The following ZNF705B variants were observed in gnomAD, a reference collection of about 807,000 sequenced individuals.
ZNF705B encodes zinc finger protein 705B, also known as Putative zinc finger protein 705D-like protein LOC100132396.
Under a neutral mutation model 10.5 loss-of-function variants are expected in ZNF705B, and 1 was observed. The ratio of observed to expected loss-of-function variants is 0.10; its 90% confidence interval spans 0.03 to 0.45. The LOEUF (loss-of-function observed/expected upper bound fraction) is 0.45. ZNF705B is among the 20% of genes least tolerant of loss of function. The pLI, the probability that ZNF705B is intolerant of heterozygous loss-of-function variation, is 0.97. For missense variants in ZNF705B, 14 were observed against 84.0 expected (o/e 0.17, Z 3.26); for synonymous variants, 4 against 25.4 (o/e 0.16, Z 2.53).
chr8:7,932,564 A>T lies in ZNF705B; in HGVS notation c.-72+2128A>T, dbSNP rs1819880061. On this transcript the variant is annotated intron_variant, in intron 2 of 6. Transcript: ENST00000400120. ...AGAAGTAAATGTTATATAGTGCAAAAATATATTAAAGGGTCAGTTGGTGAT... is the reference window on the plus strand; with the variant it reads ...AGAAGTAAATGTTATATAGTGCAAATATATATTAAAGGGTCAGTTGGTGAT... 2.5e-5 allele frequency among the ~76,000 whole-genome samples: 3 copies of T among 121,322 alleles called. No homozygotes were observed. In the South Asian group the frequency reaches 8.3e-4, roughly 34 times the overall value. 79.6% of individuals were successfully genotyped at this position (121,322 alleles called of 152,430 possible).
intron 1 of ZNF705B, among the ~76,000 whole-genome samples, chr8:7,926,810 C>G (rs1247321916): frequency 1.7e-5 from 2 of 116,994 alleles, no homozygotes; most frequent in African/African-American, 5.1e-5. Flanking sequence ...AGCTCTATTG[C>G]TGTCAAACAC....
chr8:7,941,655 A>AT (rs1162445717), intron 2 of ZNF705B, among the ~76,000 whole-genome samples: 4 of 43,074 alleles, frequency 9.3e-5, no homozygotes, highest in African/African-American at 2.2e-4. Flanking sequence ...TATTATTATT[A>AT]TTTTTTTGAG....
At chr8:7,930,855 T>TTG (rs1554594095) in intron 2 of ZNF705B, among the ~76,000 whole-genome samples, 2,931 of 106,738 alleles carry the variant, frequency 0.027, 44 homozygotes, top group African/African-American at 0.079. Flanking sequence ...TGTTTTTTTT[T>TTG]TTGTTGTTGT....
chr8:7,928,873 C>T (rs1819768457), intron 1 of ZNF705B, among the ~76,000 whole-genome samples: 1 of 105,326 alleles, frequency 9.5e-6, no homozygotes, highest in Non-Finnish European at 2.3e-5. Context: ...CAAGTGCTCT[C>T]ATTTATAAGT....
chr8:7,937,273 C>T (rs1286609797), intron 2 of ZNF705B, among the ~76,000 whole-genome samples: 1 of 116,512 alleles, frequency 8.6e-6, no homozygotes, highest in East Asian at 2.4e-4. Context: ...CCTCTCTAGC[C>T]TTCTACAAAA....
At chr8:7,928,540 G>A (rs1819759017) in intron 1 of ZNF705B, among the ~76,000 whole-genome samples, 2 of 118,422 alleles carry the variant, frequency 1.7e-5, no homozygotes, top group African/African-American at 2.5e-5. Context: ...ACAATATAAA[G>A]CAACACAGAT....
At chr8:7,927,259 G>A (rs1289550808) in intron 1 of ZNF705B, among the ~76,000 whole-genome samples, 7 of 119,022 alleles carry the variant, frequency 5.9e-5, no homozygotes, top group African/African-American at 1.8e-4. Flanking sequence ...GCCCTAAAAG[G>A]CAAAGTTGTC....
intron 2 of ZNF705B, among the ~76,000 whole-genome samples, chr8:7,946,616 G>GCCT (rs1820238149): frequency 2.4e-5 from 1 of 42,246 alleles, no homozygotes; most frequent in African/African-American, 4.5e-5. Flanking sequence ...TGTAATCTCT[G>GCCT]CCTCCTGGGT....
At chr8:7,931,505 G>C (rs1163583917) in intron 2 of ZNF705B, among the ~76,000 whole-genome samples, 5 of 122,106 alleles carry the variant, frequency 4.1e-5, no homozygotes, top group African/African-American at 1.3e-4. Flanking sequence ...CTCATACTCA[G>C]GTCACAAGAA....
intron 2 of ZNF705B, among the ~76,000 whole-genome samples, chr8:7,941,025 CT>C (rs1820142566): frequency 6.7e-6 from 1 of 149,272 alleles, no homozygotes. Context: ...GATCTCATTC[CT>C]TTTTATGGCT....
In ZNF705B at chr8:7,944,895, A is replaced by G. The variant is rs1177766541; in HGVS notation, c.-71-2456A>G. On this transcript the variant is annotated intron_variant, in intron 2 of 6. Coordinates refer to ENST00000400120, the MANE Select transcript of ZNF705B (RefSeq NM_001193630.1). Reference sequence around the variant, plus strand: ...TGAGGCTGGAGAATTGCTTGAACCCAGGAGGTGGAGGTTGCGGTGAGCCGA... The same window carrying G: ...TGAGGCTGGAGAATTGCTTGAACCCGGGAGGTGGAGGTTGCGGTGAGCCGA... Among the ~76,000 whole-genome samples, 3 of 76,090 alleles carry G rather than the reference A, an allele frequency of 3.9e-5. 1 individual carries two copies. The East Asian group carries it at 1.6e-3, about 41-fold the overall frequency. 49.9% of individuals were successfully genotyped at this position (76,090 alleles called of 152,430 possible). A position where few individuals can be genotyped will look rare whatever the true frequency, so the allele number is the denominator to read the frequency against.
chr8:7,931,198 T>C (rs1819838051), intron 2 of ZNF705B, among the ~76,000 whole-genome samples: 1 of 120,992 alleles, frequency 8.3e-6, no homozygotes, highest in African/African-American at 2.5e-5. Flanking sequence ...AGGCATGCCC[T>C]CAAGACCCTG....
intron 1 of ZNF705B, among the ~76,000 whole-genome samples, chr8:7,928,344 T>G (rs1303557709): frequency 8.3e-6 from 1 of 121,000 alleles, no homozygotes; most frequent in African/African-American, 2.5e-5. Flanking sequence ...CTTCCTTACC[T>G]CCTTCCTCCC....
intron 1 of ZNF705B, among the ~76,000 whole-genome samples, chr8:7,927,229 ACCAG>A (rs1216233033): frequency 8.4e-6 from 1 of 118,454 alleles, no homozygotes; most frequent in Non-Finnish European, 2.0e-5. Context: ...AAGTTTCCCT[ACCAG>A]CCTCTAATTC....
At chr8:7,940,580 C>G (rs1417700087) in intron 2 of ZNF705B, among the ~76,000 whole-genome samples, 64 of 130,910 alleles carry the variant, frequency 4.9e-4, no homozygotes, top group Non-Finnish European at 9.6e-4. Context: ...TGTGCTCTAA[C>G]CACATCTACC....
chr8:7,937,648 A>T (rs1425448831), intron 2 of ZNF705B, among the ~76,000 whole-genome samples: 1 of 119,890 alleles, frequency 8.3e-6, no homozygotes. Context: ...AACAAGTACT[A>T]GTGAGACAGG....
chr8:7,931,988 G>A (rs1819862373), intron 2 of ZNF705B, among the ~76,000 whole-genome samples: 1 of 121,230 alleles, frequency 8.2e-6, no homozygotes, highest in South Asian at 2.8e-4. Flanking sequence ...CCCCAGGGCA[G>A]GATGTAGTCT....
chr8:7,940,204 A>C (rs1264986537), intron 2 of ZNF705B, among the ~76,000 whole-genome samples: 2 of 144,634 alleles, frequency 1.4e-5, no homozygotes, highest in African/African-American at 5.1e-5. Flanking sequence ...AGAGAAAAAA[A>C]CAAGGGAACA....
rs1368049116 is a variant in ZNF705B at position 7,940,267 on chromosome 8, C to T, written c.-71-7084C>T. 8.1e-5 allele frequency among the ~76,000 whole-genome samples: 12 copies of T among 148,894 alleles called. No individual in the cohort carries two copies. In the East Asian group the frequency reaches 9.9e-4, roughly 12 times the overall value. On this transcript the variant is annotated intron_variant, in intron 2 of 6. Transcript: ENST00000400120. ...CAACCCCCTCTTGTTTTATTTTAAC[C>T]GACTTTGTTGAGCGATGATTACATT...
Sources: allele counts gnomAD v4.1 joint callset (sites outside exome capture counted in the v4.1 genomes callset), GRCh38; gene constraint gnomAD v4.1.1; transcripts MANE v1.5; gene names NCBI Gene and HGNC (gene_info 2026-07-23, HGNC 2026-07-21).